Variants in C8orf34 observed in about 807,000 individuals in gnomAD.
C8orf34 encodes chromosome 8 open reading frame 34.
In C8orf34, 65 loss-of-function variants were observed where a neutral mutation model predicts 68.3. That is an observed-to-expected ratio of 0.95 (90% CI 0.78 to 1.17). The LOEUF (loss-of-function observed/expected upper bound fraction) is 1.17, where lower values mean the gene tolerates loss of function less well. C8orf34 is among the 50% of genes most tolerant of loss of function. The pLI is 0.00. For missense variants in C8orf34, 664 were observed against 655.4 expected (o/e 1.01, Z -0.14); for synonymous variants, 244 against 241.2 (o/e 1.01, Z -0.11).
intron 2 of C8orf34, among the ~76,000 whole-genome samples, chr8:68,442,525 T>C (rs796321830): frequency 2.0e-5 from 3 of 152,170 alleles, no homozygotes; most frequent in African/African-American, 7.2e-5. Flanking sequence ...CTGCAGGTGA[T>C]CAAGCTGTCT....
chr8:68,803,304 C>T (rs1323724041), intron 12 of C8orf34, among the ~76,000 whole-genome samples: 2 of 151,928 alleles, frequency 1.3e-5, no homozygotes, highest in African/African-American at 4.8e-5. Context: ...GGTAATACAT[C>T]CCTACTACAT....
chr8:68,489,004 G>A (rs1363057938), intron 5 of C8orf34, among the ~76,000 whole-genome samples: 2 of 149,184 alleles, frequency 1.3e-5, no homozygotes, highest in Non-Finnish European at 1.5e-5. Context: ...TTTTAAAATA[G>A]CAGTGATTAA....
At chr8:68,694,407 C>A (rs1273933270) in intron 8 of C8orf34, among the ~76,000 whole-genome samples, 6 of 152,026 alleles carry the variant, frequency 3.9e-5, no homozygotes, top group Non-Finnish European at 5.9e-5. Flanking sequence ...ATTGCCATGA[C>A]AGAAAAGTCT....
chr8:68,695,148 CTTT>C (rs111296235), intron 8 of C8orf34, among the ~76,000 whole-genome samples: 6 of 139,120 alleles, frequency 4.3e-5, no homozygotes, highest in Admixed American at 7.2e-5. Context: ...CTGTTTATTC[CTTT>C]TTTTTTTTTT....
intron 7 of C8orf34, among the ~76,000 whole-genome samples, chr8:68,603,034 G>T (rs1817744764): frequency 6.6e-6 from 1 of 152,076 alleles, no homozygotes; most frequent in African/African-American, 2.4e-5. Flanking sequence ...AAAACCCAGG[G>T]AAATCACAGC....
chr8:68,476,707 A>G (rs1812634746), intron 4 of C8orf34, among the ~76,000 whole-genome samples: 2 of 152,184 alleles, frequency 1.3e-5, no homozygotes, highest in South Asian at 4.1e-4. Flanking sequence ...GCAGTTGAGT[A>G]CATGCACAAT....
At chr8:68,738,509 T>C (rs1477862637) in intron 10 of C8orf34, among the ~76,000 whole-genome samples, 1 of 151,950 alleles carries the variant, frequency 6.6e-6, no homozygotes, top group Non-Finnish European at 1.5e-5. Context: ...CAGGAGTTGG[T>C]TTTTTGAAAA....
intron 1 of C8orf34, among the ~76,000 whole-genome samples, chr8:68,364,747 T>C (rs1203362511): frequency 8.3e-5 from 11 of 132,182 alleles, no homozygotes; most frequent in African/African-American, 3.1e-4. Flanking sequence ...TTCAAAGCAG[T>C]GTGTAGAGGG....
intron 1 of C8orf34, among the ~76,000 whole-genome samples, chr8:68,410,380 A>G (rs549816472): frequency 3.6e-4 from 55 of 152,326 alleles, no homozygotes; most frequent in Admixed American, 1.8e-3. Context: ...AAATGAAAAC[A>G]GTATTATATC....
At chr8:68,607,154 C>T (rs1817879848) in intron 7 of C8orf34, among the ~76,000 whole-genome samples, 1 of 152,084 alleles carries the variant, frequency 6.6e-6, no homozygotes, top group Non-Finnish European at 1.5e-5. Context: ...CGAAAAAAGA[C>T]AAAGAAGAAA....
intron 4 of C8orf34, among the ~76,000 whole-genome samples, chr8:68,474,925 A>G (rs899274674): frequency 2.6e-5 from 4 of 152,202 alleles, no homozygotes; most frequent in East Asian, 3.9e-4. Flanking sequence ...CATTCTGCCA[A>G]TCAGCCTTCA....
rs543466029 is a variant in C8orf34 at position 68,516,574 on chromosome 8, T to C, written c.766-5225T>C. The stretch of plus-strand genomic sequence containing the variant: ...AGGTGAGCTTCTTGCTGATAAGCCA[T>C]ACTGCAGAAATTGGTAAGCTTTGAG... On this transcript the variant is annotated intron_variant, in intron 5 of 13. Coordinates refer to ENST00000518698, the MANE Select transcript of C8orf34 (RefSeq NM_052958.4). Among the ~76,000 whole-genome samples the C allele has an allele frequency of 1.0e-3, 157 of 152,248 alleles. 1 individual carries two copies. The highest frequency in any genetic ancestry group is 3.6e-3 in the African/African-American group (149 of 41,552).
intron 1 of C8orf34, among the ~76,000 whole-genome samples, chr8:68,342,990 G>T (rs1324645363): frequency 6.6e-6 from 1 of 152,176 alleles, no homozygotes; most frequent in Non-Finnish European, 1.5e-5. Flanking sequence ...GAAGAAATTT[G>T]TGTATAAGTA....
intron 7 of C8orf34, among the ~76,000 whole-genome samples, chr8:68,587,496 C>T (rs377357864): frequency 1.3e-3 from 190 of 151,860 alleles, no homozygotes; most frequent in African/African-American, 4.5e-3. Context: ...AACATTTTGC[C>T]AAAATTTGAA....
At chr8:68,415,532 G>C (rs999910830) in intron 1 of C8orf34, among the ~76,000 whole-genome samples, 2 of 152,130 alleles carry the variant, frequency 1.3e-5, no homozygotes, top group African/African-American at 4.8e-5. Flanking sequence ...CAGACATGGG[G>C]TTCAGGAGAT....
At chr8:68,581,298 C>T (rs1457452156) in intron 7 of C8orf34, among the ~76,000 whole-genome samples, 1 of 151,954 alleles carries the variant, frequency 6.6e-6, no homozygotes, top group Non-Finnish European at 1.5e-5. Flanking sequence ...TTACATTTGT[C>T]TCTGTGTCCA....
intron 8 of C8orf34, among the ~76,000 whole-genome samples, chr8:68,679,374 G>A (rs1264539283): frequency 2.0e-5 from 3 of 151,870 alleles, no homozygotes; most frequent in African/African-American, 7.3e-5. Flanking sequence ...AACCAAAGAA[G>A]TGAAAGGTCT....
intron 2 of C8orf34, among the ~76,000 whole-genome samples, chr8:68,440,614 T>C (rs1447232959): frequency 6.6e-6 from 1 of 152,138 alleles, no homozygotes; most frequent in Non-Finnish European, 1.5e-5. Context: ...TCTTACTTTT[T>C]CTTGGCCTTA....
rs181444681 is a variant in C8orf34, at chr8:68,743,048, C to T, written c.1404+21611C>T. Among the ~76,000 whole-genome samples the T allele has an allele frequency of 3.0e-3, 455 of 152,288 alleles. 2 individuals carry two copies. The highest frequency in any genetic ancestry group is 9.6e-3 in the African/African-American group (398 of 41,550). On this transcript the variant is annotated intron_variant, in intron 10 of 13. Transcript: ENST00000518698. ...GTCCCTATTTTATTCTCATCTTGCA[C>T]ACTCTCTCTGACTAATTCCATTCAC...
Sources: gnomAD v4.1 joint callset for allele counts (sites outside exome capture counted in the v4.1 genomes callset) on GRCh38, gnomAD v4.1.1 for gene constraint, MANE v1.5 for transcripts, NCBI Gene and HGNC (gene_info 2026-07-23, HGNC 2026-07-21) for gene names.